DZIP1L: variants seen among roughly 807,000 people sequenced by gnomAD.
The protein encoded by DZIP1L is DAZ interacting zinc finger protein 1 like.
In DZIP1L, 90 loss-of-function variants were observed where a neutral mutation model predicts 88.7. That is an observed-to-expected ratio of 1.02 (90% CI 0.86 to 1.21). The LOEUF (loss-of-function observed/expected upper bound fraction) is 1.21, where lower values mean the gene tolerates loss of function less well. Among genes scored for constraint, DZIP1L ranks in the 50% most tolerant of loss-of-function variants. The probability of loss-of-function intolerance (pLI) is 0.00; values close to 1 mark genes in which losing one functional copy is unlikely to be tolerated. For synonymous variants in DZIP1L, 363 were observed against 372.1 expected, an observed-to-expected ratio of 0.98 and a Z score of 0.28; for missense variants, 932 against 955.8, an observed-to-expected ratio of 0.98 and a Z score of 0.33.
chr3:138,106,020 C>G (rs548714321), intron 1 of DZIP1L, among the ~76,000 whole-genome samples: 3 of 147,350 alleles, frequency 2.0e-5, no homozygotes, highest in Non-Finnish European at 4.5e-5. Context: ...TAAAATAAAA[C>G]ATAGAATTTC....
At chr3:138,098,130 T>C (rs867468298) in intron 2 of DZIP1L, among the ~76,000 whole-genome samples, 1 of 152,232 alleles carries the variant, frequency 6.6e-6, no homozygotes, top group Admixed American at 6.5e-5. Flanking sequence ...TGTTTGTCTA[T>C]GTTTAAAAGT....
At position 138,092,391 on chromosome 3, in the gene DZIP1L, G is replaced by C. The variant is rs370713283; in HGVS notation, c.862C>G (p.Leu288Val). ...CCTTTTATGTTGGGTACCTCTTCTA[G>C]TGTAGAGTTCTGCTTGGCGACATTT... Reference protein sequence around the residue: ...FKNVAKQNSTLEEKLRALQSH... With the variant: ...FKNVAKQNSTVEEKLRALQSH... The change falls in exon 5 of 16, where the codon CTA (leucine) becomes GTA (valine). Residue 288 changes from leucine to valine, a missense_variant. Transcript: ENST00000327532. The C allele has an allele frequency of 1.9e-6, 3 of 1,581,982 alleles. No homozygotes were observed. Among genetic ancestry groups the C allele is most frequent in the Non-Finnish European group, 1.7e-6 (2 of 1,168,884 alleles).
At chr3:138,091,637 G>A (rs1228481779) in intron 5 of DZIP1L, among the ~76,000 whole-genome samples, 1 of 106,976 alleles carries the variant, frequency 9.3e-6, no homozygotes, top group African/African-American at 3.3e-5. Context: ...AAGGTGGGGG[G>A]AGGGAGGGAG....
chr3:138,106,127 C>CTTTTTTTTTTTTTTTTTTT (rs56146259), intron 1 of DZIP1L, among the ~76,000 whole-genome samples: 1 of 64,516 alleles, frequency 1.6e-5, no homozygotes, highest in Non-Finnish European at 2.8e-5. Flanking sequence ...AGTCTTCTTT[C>CTTTTTTTTTTTTTTTTTTT]TTTTTTTTTT....
chr3:138,107,530 G>T (rs1415180298), intron 1 of DZIP1L, among the ~76,000 whole-genome samples: 1 of 152,158 alleles, frequency 6.6e-6, no homozygotes, highest in East Asian at 1.9e-4. Context: ...TCATTCTGTT[G>T]CAACAGTACA....
At position 138,062,641 on chromosome 3, in the gene DZIP1L, C is replaced by A; in HGVS notation, c.*175G>T. The A allele has an allele frequency of 1.4e-6, 1 of 693,214 alleles. No individual in the cohort carries two copies. The highest frequency in any genetic ancestry group is 2.3e-6 in the Non-Finnish European group (1 of 433,978). The allele number at this position is 693,214 out of a possible 1,614,324, so 42.9% of individuals were successfully genotyped here. Reference sequence around the variant, plus strand: ...GCACCTGTGGCCATCTACAGCAGGGCCCCTCACAGGTCAGGAGGGATGAGA... The same window carrying A: ...GCACCTGTGGCCATCTACAGCAGGGACCCTCACAGGTCAGGAGGGATGAGA... On this transcript the variant is annotated 3_prime_UTR_variant, in exon 16 of 16. Coordinates refer to ENST00000327532, the MANE Select transcript of DZIP1L (RefSeq NM_173543.3).
chr3:138,064,488 A>G (rs1484698539), intron 15 of DZIP1L, 140 bp downstream of exon 15: 2 of 1,611,412 alleles, frequency 1.2e-6, no homozygotes, highest in Non-Finnish European at 1.7e-6. Flanking sequence ...ACAGGGGCAG[A>G]GGGAGGTCAC....
At chr3:138,081,882 C>G in intron 8 of DZIP1L, 118 bp from the exon 9 acceptor site, 1 of 1,053,520 alleles carries the variant, frequency 9.5e-7, no homozygotes, top group Non-Finnish European at 1.3e-6. Flanking sequence ...CCATGACTCA[C>G]GTTGGGAACT....
intron 11 of DZIP1L, among the ~76,000 whole-genome samples, chr3:138,073,087 C>T (rs1390284219): frequency 6.6e-6 from 1 of 152,108 alleles, no homozygotes; most frequent in Non-Finnish European, 1.5e-5. Context: ...TGCACCCGCC[C>T]TGGTAGCTGA....
chr3:138,092,546 TA>T lies in DZIP1L; in HGVS notation c.709-3del. ...CCTCTGATGAATGAGCTCTGCTTCC[TA>T]AAAAGAAGAGCAAGAACAATATGAT... is the stretch of plus-strand genomic sequence containing the variant. On this transcript the variant is annotated splice_polypyrimidine_tract_variant and splice_region_variant and intron_variant, in intron 4 of 15. Transcript: ENST00000327532. 6.4e-7 allele frequency: 1 copy of T among 1,562,550 alleles called. No individual in the cohort carries two copies.
chr3:138,067,244 G>T (rs1942950749), intron 14 of DZIP1L, among the ~76,000 whole-genome samples: 1 of 152,168 alleles, frequency 6.6e-6, no homozygotes, highest in African/African-American at 2.4e-5. Context: ...GAGGAGAAAA[G>T]GGGTGAATGG....
chr3:138,073,272 TAAAC>T (rs941311381), intron 11 of DZIP1L, among the ~76,000 whole-genome samples: 5 of 151,936 alleles, frequency 3.3e-5, no homozygotes, highest in African/African-American at 1.2e-4. Flanking sequence ...ACCAATGCAC[TAAAC>T]AAACAAAAAG....
At chr3:138,069,856 A>C (rs1943096620) in intron 12 of DZIP1L, among the ~76,000 whole-genome samples, 1 of 152,160 alleles carries the variant, frequency 6.6e-6, no homozygotes, top group Non-Finnish European at 1.5e-5. Flanking sequence ...TGTGGGACCC[A>C]GGAAAAGAAT....
At chr3:138,065,767 A>C (rs916119187) in intron 14 of DZIP1L, among the ~76,000 whole-genome samples, 1 of 152,242 alleles carries the variant, frequency 6.6e-6, no homozygotes, top group African/African-American at 2.4e-5. Context: ...GACCTTGGAA[A>C]GACAAAACTC....
chr3:138,102,303 A>G (rs2107841730), intron 2 of DZIP1L: 6 of 1,391,174 alleles, frequency 4.3e-6, no homozygotes, highest in Non-Finnish European at 6.1e-6. Flanking sequence ...TACCTTATTC[A>G]TGTAAGCTTC....
At chr3:138,075,309 A>C (rs554725369) in intron 11 of DZIP1L, among the ~76,000 whole-genome samples, 20 of 152,358 alleles carry the variant, frequency 1.3e-4, no homozygotes, top group Non-Finnish European at 1.0e-4. Context: ...AATAGACTTA[A>C]CAGATATTTA....
In DZIP1L at chr3:138,092,460, C is replaced by G; in HGVS notation, c.793G>C (p.Gly265Arg). The G allele has an allele frequency of 1.9e-6, 3 of 1,606,760 alleles. No homozygotes were observed. The highest frequency in any genetic ancestry group is 2.7e-5 in the African/African-American group (2 of 74,750). The change falls in exon 5 of 16, where the codon GGG becomes CGG. Residue 265 changes from glycine to arginine, a missense_variant. Gly to Arg is a moderately radical substitution (Grantham distance 125, BLOSUM62 -2). Coordinates refer to ENST00000327532, the MANE Select transcript of DZIP1L (RefSeq NM_173543.3). ...WKEQEWTKLY[G>R]EIDKLKKLFW... ...AATTTTTTTAGTTTATCTATTTCCC[C>G]ATAAAGTTTGGTCCACTCTTGCTCT... is the stretch of plus-strand genomic sequence containing the variant.
intron 2 of DZIP1L, among the ~76,000 whole-genome samples, chr3:138,100,830 T>A (rs1324183210): frequency 6.6e-6 from 1 of 152,194 alleles, no homozygotes. Flanking sequence ...CCATGACAAT[T>A]TTTATTAAAG....
At chr3:138,109,944 C>T (rs1163819917) in intron 1 of DZIP1L, among the ~76,000 whole-genome samples, 1 of 152,114 alleles carries the variant, frequency 6.6e-6, no homozygotes, top group Admixed American at 6.5e-5. Flanking sequence ...GAATATCACA[C>T]ACCGGGCTTC....
Sources: gnomAD v4.1 joint callset for allele counts (sites outside exome capture counted in the v4.1 genomes callset) on GRCh38, gnomAD v4.1.1 for gene constraint, MANE v1.5 for transcripts, NCBI Gene and HGNC (gene_info 2026-07-23, HGNC 2026-07-21) for gene names.